The following PCDH11X variants were observed in gnomAD, a reference collection of about 807,000 sequenced individuals.
PCDH11X encodes protocadherin 11 X-linked, also known as protocadherin-11 X-linked.
A neutral mutation model predicts 53.3 loss-of-function variants in PCDH11X; 18 were observed. The observed-to-expected ratio is 0.34, with a 90% CI of 0.23 to 0.50. The LOEUF (loss-of-function observed/expected upper bound fraction) is 0.50. PCDH11X is among the 20% of genes least tolerant of loss of function. The pLI, the probability that PCDH11X is intolerant of heterozygous loss-of-function variation, is 0.98. For synonymous variants in PCDH11X, 279 were observed against 393.3 expected (o/e 0.71, Z 3.44); for missense variants, 570 against 1,032.4 (o/e 0.55, Z 6.14).
At chrX:92,063,197 G>T (rs1430629217) in intron 6 of PCDH11X, among the ~76,000 whole-genome samples, 1 of 107,606 alleles carries the variant, frequency 9.3e-6, no homozygotes, top group Non-Finnish European at 1.9e-5. Context: ...GTCGGGGGGT[G>T]GGGGGCTAGG....
chrX:92,336,342 G>A (rs1216211729), intron 8 of PCDH11X, among the ~76,000 whole-genome samples: 1 of 111,505 alleles, frequency 9.0e-6, no homozygotes, highest in East Asian at 2.8e-4. Context: ...GATATTTCAA[G>A]ATTTTCATTG....
At chrX:92,370,460 C>CTTTTTT (rs576718286) in intron 8 of PCDH11X, among the ~76,000 whole-genome samples, 1 of 80,307 alleles carries the variant, frequency 1.2e-5, no homozygotes, top group African/African-American at 4.4e-5. Flanking sequence ...GTTCTTTTTT[C>CTTTTTT]TTTTTTTTTT....
In PCDH11X at chrX:91,810,908, A is replaced by G. The variant is rs568999342; in HGVS notation, c.-103-329A>G. Among the ~76,000 whole-genome samples, 106 of 112,072 alleles carry G rather than the reference A, an allele frequency of 9.5e-4. No homozygotes were observed. The South Asian group carries it at 0.039, about 41-fold the overall frequency. ...TCAATTTTATGTGTTAGGTTTATAA[A>G]ACTGTTATAATGATCCAAGGAATAA... On this transcript the variant is annotated intron_variant, in intron 3 of 10. Transcript: ENST00000682573.
At chrX:92,038,467 C>T (rs772439270) in intron 6 of PCDH11X, among the ~76,000 whole-genome samples, 4 of 111,589 alleles carry the variant, frequency 3.6e-5, no homozygotes, top group African/African-American at 1.3e-4. Context: ...TGGTATAGAG[C>T]CTGCAATTGC....
At chrX:92,580,395 C>G (rs1387750661) in intron 10 of PCDH11X, among the ~76,000 whole-genome samples, 25 of 104,009 alleles carry the variant, frequency 2.4e-4, no homozygotes, top group African/African-American at 9.4e-4. Flanking sequence ...ATCAGGGGCT[C>G]TGTCTCAGGG....
At chrX:91,908,314 A>C (rs1394199022) in intron 6 of PCDH11X, among the ~76,000 whole-genome samples, 2 of 111,929 alleles carry the variant, frequency 1.8e-5, no homozygotes, top group African/African-American at 3.3e-5. Flanking sequence ...AGCCTCTATA[A>C]GGAACTTATT....
At chrX:92,290,800 C>A (rs2068475767) in intron 8 of PCDH11X, among the ~76,000 whole-genome samples, 1 of 103,013 alleles carries the variant, frequency 9.7e-6, no homozygotes, top group Non-Finnish European at 2.0e-5. Context: ...CCATGTATTT[C>A]TTTTAAGTAA....
intron 7 of PCDH11X, among the ~76,000 whole-genome samples, chrX:92,246,533 G>A (rs1207997930): frequency 2.7e-5 from 3 of 110,548 alleles, no homozygotes; most frequent in Middle Eastern, 9.3e-3. Flanking sequence ...TGTATTTTTA[G>A]TAGAGACGGG....
In PCDH11X at chrX:92,254,460, T is replaced by A. The variant is rs1403773852; in HGVS notation, c.3115-8654T>A. Among the ~76,000 whole-genome samples, 40 of 109,547 alleles carry A rather than the reference T, an allele frequency of 3.7e-4. No homozygotes were observed. In the Middle Eastern group the frequency reaches 0.014, roughly 39 times the overall value. Reference sequence around the variant, plus strand: ...TTTACATTTAAAGTTAATAGTGTTATGTGTGAATTTGATCCTGTCATTATG... The same window carrying A: ...TTTACATTTAAAGTTAATAGTGTTAAGTGTGAATTTGATCCTGTCATTATG... On this transcript the variant is annotated intron_variant, in intron 7 of 10. Transcript: ENST00000682573.
chrX:92,263,840 G>C (rs1603241193), intron 8 of PCDH11X, among the ~76,000 whole-genome samples: 2 of 112,035 alleles, frequency 1.8e-5, no homozygotes, highest in African/African-American at 6.5e-5. Flanking sequence ...TAGTTAAACT[G>C]TACTACCACT....
intron 6 of PCDH11X, among the ~76,000 whole-genome samples, chrX:91,910,712 A>G (rs1410332120): frequency 9.0e-6 from 1 of 111,475 alleles, no homozygotes; most frequent in Non-Finnish European, 1.9e-5. Flanking sequence ...ATCAGATCAC[A>G]TTTTCCAACA....
At chrX:92,273,969 G>T (rs1473812994) in intron 8 of PCDH11X, among the ~76,000 whole-genome samples, 1 of 109,164 alleles carries the variant, frequency 9.2e-6, no homozygotes, top group East Asian at 2.9e-4. Context: ...AGCTGTGATG[G>T]CTTGGAGAAA....
At chrX:92,385,985 G>T (rs2071003803) in intron 8 of PCDH11X, among the ~76,000 whole-genome samples, 2 of 111,742 alleles carry the variant, frequency 1.8e-5, no homozygotes, top group Admixed American at 1.9e-4. Flanking sequence ...CCCTCTGAGA[G>T]GCCCAAAGGA....
At chrX:91,888,095 GTTAA>G (rs1330953459) in intron 6 of PCDH11X, among the ~76,000 whole-genome samples, 1 of 111,387 alleles carries the variant, frequency 9.0e-6, no homozygotes, top group East Asian at 2.8e-4. Flanking sequence ...TTTTGAAATA[GTTAA>G]TTACATTTAA....
intron 6 of PCDH11X, among the ~76,000 whole-genome samples, chrX:92,124,125 G>C (rs1364930015): frequency 9.0e-6 from 1 of 111,468 alleles, no homozygotes; most frequent in Non-Finnish European, 1.9e-5. Context: ...TATTAAGTCA[G>C]TTCTGTTGTG....
intron 8 of PCDH11X, among the ~76,000 whole-genome samples, chrX:92,366,225 G>A (rs995134518): frequency 1.3e-4 from 14 of 111,610 alleles, no homozygotes; most frequent in Non-Finnish European, 3.8e-5. Flanking sequence ...GAGGGTGTAT[G>A]TGTCCAGTAA....
chrX:92,593,164 A>G (rs1247093682), intron 10 of PCDH11X, among the ~76,000 whole-genome samples: 1 of 110,654 alleles, frequency 9.0e-6, no homozygotes, highest in East Asian at 2.8e-4. Context: ...CAGGTCAGAT[A>G]TGGTTTGCTA....
rs555156974 is a variant in PCDH11X, at chrX:92,122,083, C to T, written c.3034-79292C>T. Among the ~76,000 whole-genome samples, 5 of 104,387 alleles carry T rather than the reference C, an allele frequency of 4.8e-5. No homozygotes were observed. In the South Asian group the frequency reaches 2.3e-3, roughly 47 times the overall value. 90.6% of individuals were successfully genotyped at this position (104,387 alleles called of 115,157 possible). On this transcript the variant is annotated intron_variant, in intron 6 of 10. Transcript: ENST00000682573. ...AACTGCAACCTCCACCTCCTGGGTT[C>T]AAGCTTCTCATTCCTCAGCTTCCCG...
At chrX:92,319,412 A>T (rs2069150113) in intron 8 of PCDH11X, among the ~76,000 whole-genome samples, 1 of 112,752 alleles carries the variant, frequency 8.9e-6, no homozygotes, top group African/African-American at 3.2e-5. Flanking sequence ...GTAAGAGAAC[A>T]AAAGATAAAA....
Sources: gnomAD v4.1 joint callset for allele counts (sites outside exome capture counted in the v4.1 genomes callset) on GRCh38, gnomAD v4.1.1 for gene constraint, MANE v1.5 for transcripts, NCBI Gene and HGNC (gene_info 2026-07-23, HGNC 2026-07-21) for gene names.